The following HTR1E variants were observed in gnomAD, a reference collection of about 807,000 sequenced individuals.
HTR1E encodes the protein 5-HT-1E.
Under a neutral mutation model 3.4 loss-of-function variants are expected in HTR1E, and 3 were observed. The observed-to-expected ratio is 0.89, with a 90% CI of 0.41 to 2.31. The LOEUF (loss-of-function observed/expected upper bound fraction) is 2.31, where lower values mean the gene tolerates loss of function less well. Among genes scored for constraint, HTR1E ranks in the 30% most tolerant of loss-of-function variants. The pLI is 0.05. For missense variants in HTR1E, 392 were observed against 467.0 expected (o/e 0.84, Z 1.48); for synonymous variants, 170 against 182.8 (o/e 0.93, Z 0.56).
intron 1 of HTR1E, among the ~76,000 whole-genome samples, chr6:86,962,692 G>T (rs1023488521): frequency 2.6e-5 from 4 of 152,052 alleles, no homozygotes; most frequent in Non-Finnish European, 5.9e-5. Flanking sequence ...ACAAAAGTTA[G>T]CCGGGTGTAG....
intron 1 of HTR1E, among the ~76,000 whole-genome samples, chr6:86,966,260 T>C (rs1330470141): frequency 6.6e-6 from 1 of 152,168 alleles, no homozygotes; most frequent in Non-Finnish European, 1.5e-5. Flanking sequence ...AGGTAAAATG[T>C]TATAACATAA....
intron 1 of HTR1E, among the ~76,000 whole-genome samples, chr6:86,979,017 T>C (rs1403436459): frequency 1.3e-5 from 2 of 152,152 alleles, no homozygotes; most frequent in African/African-American, 4.8e-5. Context: ...GAGTCACGGG[T>C]TTTAGTACCA....
chr6:86,966,966 T>C (rs1215147989), intron 1 of HTR1E, among the ~76,000 whole-genome samples: 2 of 152,174 alleles, frequency 1.3e-5, no homozygotes, highest in Non-Finnish European at 2.9e-5. Context: ...GCACATAAAA[T>C]GCACATATTT....
chr6:87,009,577 C>T (rs1269122693), intron 1 of HTR1E, among the ~76,000 whole-genome samples: 10 of 148,728 alleles, frequency 6.7e-5, no homozygotes, highest in Admixed American at 5.3e-4. Flanking sequence ...AGCTGTTGGG[C>T]ACACCTCCCA....
chr6:87,005,541 C>T (rs1436168161), intron 1 of HTR1E, among the ~76,000 whole-genome samples: 1 of 152,058 alleles, frequency 6.6e-6, no homozygotes. Flanking sequence ...ATTCCATATG[C>T]AGAAGAATGA....
chr6:86,992,132 C>A (rs1174215359), intron 1 of HTR1E, among the ~76,000 whole-genome samples: 1 of 152,176 alleles, frequency 6.6e-6, no homozygotes, highest in Non-Finnish European at 1.5e-5. Context: ...ATCTCAACCA[C>A]CCGCTTGCCT....
chr6:86,968,780 G>A (rs922751987), intron 1 of HTR1E, among the ~76,000 whole-genome samples: 4 of 151,822 alleles, frequency 2.6e-5, no homozygotes, highest in African/African-American at 7.3e-5. Flanking sequence ...GTATTTTTAC[G>A]TTACAGAGTT....
At chr6:86,969,347 A>T (rs1023909293) in intron 1 of HTR1E, among the ~76,000 whole-genome samples, 6 of 151,976 alleles carry the variant, frequency 3.9e-5, no homozygotes, top group African/African-American at 7.3e-5. Context: ...TACTTTCATG[A>T]TATAAAAGGT....
intron 1 of HTR1E, among the ~76,000 whole-genome samples, chr6:86,939,214 T>A (rs1768512181): frequency 1.3e-5 from 2 of 152,332 alleles, no homozygotes; most frequent in South Asian, 4.1e-4. Context: ...TTTTCCTCCC[T>A]TCAGAGCTTT....
chr6:86,945,787 T>G (rs1768607896), intron 1 of HTR1E, among the ~76,000 whole-genome samples: 2 of 151,986 alleles, frequency 1.3e-5, no homozygotes, highest in Admixed American at 1.3e-4. Flanking sequence ...CAGACTGGAG[T>G]GCAGTGGCGT....
chr6:86,959,706 C>T lies in HTR1E; in HGVS notation c.-186+21883C>T, dbSNP rs191684784. Among the ~76,000 whole-genome samples the T allele has an allele frequency of 5.2e-4, 79 of 152,216 alleles. 2 individuals are homozygous for T. The highest frequency in any genetic ancestry group is 4.6e-3 in the Admixed American group (71 of 15,288). ...CTGTGGTGAAAAAATTAGAAACAGA[C>T]ATTGTGTGAGAAAGAAGGGGCAAGT... is the stretch of plus-strand genomic sequence containing the variant. On this transcript the variant is annotated intron_variant, in intron 1 of 1. Coordinates refer to ENST00000305344, the MANE Select transcript of HTR1E (RefSeq NM_000865.3).
chr6:87,007,118 G>C (rs1192148269), intron 1 of HTR1E, among the ~76,000 whole-genome samples: 1 of 152,142 alleles, frequency 6.6e-6, no homozygotes, highest in East Asian at 1.9e-4. Flanking sequence ...TAGTGCATAT[G>C]TACAATCAAG....
At chr6:86,958,928 C>G (rs971463020) in intron 1 of HTR1E, among the ~76,000 whole-genome samples, 3 of 143,932 alleles carry the variant, frequency 2.1e-5, no homozygotes, top group Non-Finnish European at 4.5e-5. Context: ...AGAAACAGAA[C>G]CAATTGCACG....
chr6:87,011,269 G>A (rs1768229714), intron 1 of HTR1E, among the ~76,000 whole-genome samples: 2 of 152,208 alleles, frequency 1.3e-5, no homozygotes, highest in South Asian at 4.1e-4. Context: ...AAACCTTGCA[G>A]CAGGAGGGAA....
intron 1 of HTR1E, among the ~76,000 whole-genome samples, chr6:86,942,284 T>G (rs575095645): frequency 6.6e-6 from 1 of 152,350 alleles, no homozygotes; most frequent in East Asian, 1.9e-4. Flanking sequence ...TTTCTGACAG[T>G]GTAGTTTGTC....
In HTR1E at chr6:87,015,738, C is replaced by A; in HGVS notation, c.404C>A (p.Thr135Lys). ...TNAIEYARKR[T>K]AKRAALMILT... ...GCTATTGAATACGCCAGGAAGAGGA[C>A]GGCCAAGAGGGCCGCGCTGATGATC... Residue 135 changes from threonine to lysine, a missense_variant, in exon 2 of 2, where the codon ACG (threonine) becomes AAG (lysine). By Grantham distance (78) the Thr-to-Lys change is moderately conservative. Around this residue, in one of 3 missense-constraint regions of HTR1E, gnomAD observed 189 missense variants for 258.0 expected, o/e 0.73. Coordinates refer to ENST00000305344, the MANE Select transcript of HTR1E (RefSeq NM_000865.3). 1 of 1,609,948 alleles carries A rather than the reference C, an allele frequency of 6.2e-7. No homozygotes were observed. Among genetic ancestry groups the A allele is most frequent in the South Asian group, 1.1e-5 (1 of 90,510 alleles).
intron 1 of HTR1E, among the ~76,000 whole-genome samples, chr6:86,986,852 T>A (rs1219682960): frequency 1.3e-5 from 2 of 152,118 alleles, no homozygotes; most frequent in African/African-American, 4.8e-5. Context: ...TAATGAGAGC[T>A]TAGCAACTAA....
At chr6:86,996,878 C>A (rs1767946507) in intron 1 of HTR1E, among the ~76,000 whole-genome samples, 2 of 151,888 alleles carry the variant, frequency 1.3e-5, no homozygotes. Context: ...CTTTCCAACT[C>A]ATTTTATGAA....
intron 1 of HTR1E, among the ~76,000 whole-genome samples, chr6:86,981,717 A>G (rs1767714363): frequency 6.6e-6 from 1 of 152,234 alleles, no homozygotes; most frequent in African/African-American, 2.4e-5. Flanking sequence ...ACTGTGTATT[A>G]CATATATTGT....
Sources: gnomAD v4.1 joint callset for allele counts (sites outside exome capture counted in the v4.1 genomes callset) on GRCh38, gnomAD v4.1.1 for gene constraint, gnomAD v4.1.1 regional missense constraint, MANE v1.5 for transcripts, NCBI Gene and HGNC (gene_info 2026-07-23, HGNC 2026-07-21) for gene names.